Variants in MYO5A observed in about 807,000 individuals in gnomAD.
The protein encoded by MYO5A is unconventional myosin-Va.
Under a neutral mutation model 249.7 loss-of-function variants are expected in MYO5A, and 98 were observed. The observed-to-expected ratio is 0.39, with a 90% CI of 0.33 to 0.46. MYO5A has a LOEUF of 0.46. Among genes scored for constraint, MYO5A ranks in the 20% least tolerant of loss-of-function variants. The pLI is 0.98. For synonymous variants in MYO5A, 778 were observed against 810.6 expected (o/e 0.96, Z 0.68); for missense variants, 1,696 against 2,308.8 (o/e 0.73, Z 5.44).
intron 1 of MYO5A, among the ~76,000 whole-genome samples, chr15:52,469,560 G>C (rs951989588): frequency 2.0e-5 from 3 of 152,132 alleles, no homozygotes; most frequent in Admixed American, 1.3e-4. Flanking sequence ...GACAGAAGGG[G>C]AGGCAGGAGA....
chr15:52,522,953 C>T (rs1039216486), intron 1 of MYO5A, among the ~76,000 whole-genome samples: 4 of 151,766 alleles, frequency 2.6e-5, no homozygotes, highest in South Asian at 4.1e-4. Context: ...ATACACAAAA[C>T]TTTCACACTT....
chr15:52,472,357 G>C (rs1291695919), intron 1 of MYO5A, among the ~76,000 whole-genome samples: 3 of 152,036 alleles, frequency 2.0e-5, no homozygotes, highest in Non-Finnish European at 2.9e-5. Context: ...GGGATTACAG[G>C]CTTGAGCCAT....
chr15:52,473,948 T>A (rs905601280), intron 1 of MYO5A, among the ~76,000 whole-genome samples: 4 of 152,220 alleles, frequency 2.6e-5, no homozygotes, highest in African/African-American at 4.8e-5. Context: ...GGTAGCTTGA[T>A]GGGGATGGCA....
chr15:52,414,642 T>A (rs2043397284), intron 5 of MYO5A, among the ~76,000 whole-genome samples: 1 of 152,186 alleles, frequency 6.6e-6, no homozygotes, highest in African/African-American at 2.4e-5. Flanking sequence ...GACTTTGGGA[T>A]ATTCTAATGC....
intron 34 of MYO5A, among the ~76,000 whole-genome samples, chr15:52,332,609 T>C (rs1291548564): frequency 6.6e-6 from 1 of 152,162 alleles, no homozygotes; most frequent in African/African-American, 2.4e-5. Context: ...AGCTCACAAA[T>C]GAAATTTAGA....
chr15:52,480,364 A>C (rs1478518638), intron 1 of MYO5A, among the ~76,000 whole-genome samples: 1 of 152,200 alleles, frequency 6.6e-6, no homozygotes, highest in African/African-American at 2.4e-5. Flanking sequence ...GAAAACCCGT[A>C]ACTATTTCAA....
chr15:52,372,392 T>A (rs776936784), intron 20 of MYO5A, 29 bp from the exon 21 acceptor site: 4 of 1,598,616 alleles, frequency 2.5e-6, no homozygotes, highest in Non-Finnish European at 3.4e-6. Context: ...GCAAGCAATG[T>A]CAAGACCCTG....
At chr15:52,376,298 T>C (rs1360627024) in intron 19 of MYO5A, 49 bp downstream of exon 19, 1 of 1,560,310 alleles carries the variant, frequency 6.4e-7, no homozygotes, top group Non-Finnish European at 8.8e-7. Flanking sequence ...CTGTCCTTGG[T>C]TGGACAGTGA....
chr15:52,346,541 TG>T, intron 29 of MYO5A, 80 bp from the exon 30 acceptor site: 1 of 863,084 alleles, frequency 1.2e-6, no homozygotes, highest in Non-Finnish European at 1.9e-6. Context: ...TTGGTATAAC[TG>T]GGGGGCAGTG....
chr15:52,385,691 A>C (rs2041946726), intron 14 of MYO5A, among the ~76,000 whole-genome samples: 1 of 152,210 alleles, frequency 6.6e-6, no homozygotes, highest in African/African-American at 2.4e-5. Flanking sequence ...AATTCTACTC[A>C]AAACACATAA....
At position 52,360,134 on chromosome 15, in the gene MYO5A, T is replaced by C. The variant is rs185285577; in HGVS notation, c.3310-53A>G. ...TAATGCAACATAATTAGTCTAGGCA[T>C]AGTTAAGACAGCATCCACCTTGACT... On this transcript the variant is annotated intron_variant, in intron 24 of 41. Transcript: ENST00000399233. 13 of 1,221,236 alleles carry C rather than the reference T, an allele frequency of 1.1e-5. No homozygotes were observed. The East Asian group carries it at 3.1e-4, about 29-fold the overall frequency. 75.6% of individuals were successfully genotyped at this position (1,221,236 alleles called of 1,614,324 possible).
At chr15:52,451,526 G>A (rs1003436648) in intron 1 of MYO5A, among the ~76,000 whole-genome samples, 1 of 152,090 alleles carries the variant, frequency 6.6e-6, no homozygotes, top group Non-Finnish European at 1.5e-5. Flanking sequence ...TAACCCCTAT[G>A]AGCCCTGCAT....
chr15:52,313,878 A>G (rs758419806), intron 41 of MYO5A, 30 bp from the exon 42 acceptor site: 1 of 1,612,140 alleles, frequency 6.2e-7, no homozygotes, highest in Non-Finnish European at 8.5e-7. Flanking sequence ...AAATAAACAG[A>G]GCATCAGTTC....
At chr15:52,485,279 A>C (rs910709831) in intron 1 of MYO5A, among the ~76,000 whole-genome samples, 1 of 137,194 alleles carries the variant, frequency 7.3e-6, no homozygotes, top group Non-Finnish European at 1.5e-5. Flanking sequence ...AAAAAAAAAA[A>C]CAAGACTGTC....
Position 52,372,135 on chromosome 15 carries a change from C to T in MYO5A, c.2806G>A (p.Val936Ile), listed in dbSNP as rs767539141. The change falls in exon 21 of 42, where the codon GTT (valine) becomes ATT (isoleucine). Residue 936 changes from valine to isoleucine, a missense_variant. Physicochemically the swap from Val to Ile is conservative, Grantham distance 29. Coordinates refer to ENST00000399233, the MANE Select transcript of MYO5A (RefSeq NM_001382347.1). ...TTTGTGAAACACACCTGCTCATCAA[C>T]TTTGCGCTGCAGCTGCATGATCTTG... ...ENKIMQLQRK[V>I]DEQNKDYKCL... 6.2e-7 allele frequency: 1 copy of T among 1,613,680 alleles called. No individual in the cohort carries two copies. The highest frequency in any genetic ancestry group is 8.5e-7 in the Non-Finnish European group (1 of 1,180,006).
intron 1 of MYO5A, among the ~76,000 whole-genome samples, chr15:52,452,368 C>T (rs1448520609): frequency 6.6e-6 from 1 of 152,140 alleles, no homozygotes; most frequent in African/African-American, 2.4e-5. Context: ...AAAGTGAGAT[C>T]AAGGTACAAC....
intron 1 of MYO5A, among the ~76,000 whole-genome samples, chr15:52,453,002 T>C (rs1449794999): frequency 6.6e-6 from 1 of 152,126 alleles, no homozygotes; most frequent in African/African-American, 2.4e-5. Context: ...AGAAGGCTTA[T>C]TCAAAGAAAT....
At chr15:52,448,324 A>C (rs191551404) in intron 1 of MYO5A, among the ~76,000 whole-genome samples, 8 of 152,172 alleles carry the variant, frequency 5.3e-5, no homozygotes, top group Non-Finnish European at 1.0e-4. Flanking sequence ...TTGTACTTGC[A>C]TGAGGTTTGT....
At chr15:52,419,964 T>C (rs2043708600) in intron 4 of MYO5A, among the ~76,000 whole-genome samples, 1 of 152,224 alleles carries the variant, frequency 6.6e-6, no homozygotes, top group Admixed American at 6.5e-5. Context: ...AAAGTTCATA[T>C]GTTGCAAACT....
Sources: gnomAD v4.1 joint callset for allele counts (sites outside exome capture counted in the v4.1 genomes callset) on GRCh38, gnomAD v4.1.1 for gene constraint, MANE v1.5 for transcripts, NCBI Gene and HGNC (gene_info 2026-07-23, HGNC 2026-07-21) for gene names.